COL19A1: variants seen among roughly 807,000 people sequenced by gnomAD.
COL19A1 encodes collagen alpha-1(XIX) chain.
A neutral mutation model predicts 190.2 loss-of-function variants in COL19A1; 159 were observed. The observed-to-expected ratio is 0.84, with a 90% CI of 0.73 to 0.95. The LOEUF (loss-of-function observed/expected upper bound fraction) is 0.95. Among genes scored for constraint, COL19A1 ranks in the 40% least tolerant of loss-of-function variants. The pLI, the probability that COL19A1 is intolerant of heterozygous loss-of-function variation, is 0.00. For synonymous variants in COL19A1, 509 were observed against 458.9 expected, an observed-to-expected ratio of 1.11 and a Z score of -1.39; for missense variants, 1,418 against 1,431.9, an observed-to-expected ratio of 0.99 and a Z score of 0.16.
chr6:69,933,621 T>C (rs956277374), intron 7 of COL19A1, among the ~76,000 whole-genome samples: 1 of 152,056 alleles, frequency 6.6e-6, no homozygotes, highest in African/African-American at 2.4e-5. Context: ...CAACTGTTAC[T>C]TACTTATACC....
rs917683184 is a variant in COL19A1 at position 70,130,236 on chromosome 6, T to A, written c.1383+13T>A. Reference sequence around the variant, plus strand: ...GAAAGGAGACAAGGTAATCAGATTTTTTTTTTTTAGATGGAGTCTTGCTCT... The same window carrying A: ...GAAAGGAGACAAGGTAATCAGATTTATTTTTTTTAGATGGAGTCTTGCTCT... On this transcript the variant is annotated intron_variant, in intron 18 of 50. Coordinates refer to ENST00000620364, the MANE Select transcript of COL19A1 (RefSeq NM_001858.6). 8.1e-6 allele frequency: 13 copies of A among 1,611,488 alleles called. No individual in the cohort carries two copies. The Admixed American group carries it at 1.2e-4, about 15-fold the overall frequency.
At chr6:70,006,726 A>G (rs1777651802) in intron 11 of COL19A1, among the ~76,000 whole-genome samples, 1 of 152,112 alleles carries the variant, frequency 6.6e-6, no homozygotes, top group Non-Finnish European at 1.5e-5. Flanking sequence ...TTTAAAAAAT[A>G]TAATGTTAAA....
At chr6:70,004,765 C>T (rs1777511136) in intron 11 of COL19A1, among the ~76,000 whole-genome samples, 1 of 152,010 alleles carries the variant, frequency 6.6e-6, no homozygotes, top group Admixed American at 6.6e-5. Flanking sequence ...TTAGCAGCTC[C>T]TCAAACCTTT....
chr6:69,883,010 T>A (rs1026635685), intron 2 of COL19A1, among the ~76,000 whole-genome samples: 16 of 152,342 alleles, frequency 1.1e-4, no homozygotes, highest in Middle Eastern at 3.4e-3. Context: ...AATGATTAGA[T>A]AAATAATGTA....
At chr6:70,097,468 A>C (rs1783347601) in intron 15 of COL19A1, among the ~76,000 whole-genome samples, 1 of 151,084 alleles carries the variant, frequency 6.6e-6, no homozygotes, top group African/African-American at 2.4e-5. Context: ...GGTTACTTCC[A>C]CTTCTTGATC....
intron 17 of COL19A1, among the ~76,000 whole-genome samples, chr6:70,129,336 A>G (rs1785383040): frequency 6.6e-6 from 1 of 152,196 alleles, no homozygotes; most frequent in Admixed American, 6.5e-5. Flanking sequence ...TGTTAAAGAA[A>G]TTGGCCAATT....
rs1476638543 is a variant in COL19A1, at chr6:69,929,547, G to T, written c.513G>T (p.Trp171Cys). The change falls in exon 6 of 51, where the codon TGG becomes TGT. Residue 171 changes from tryptophan to cysteine, a missense_variant. Physicochemically the swap from Trp to Cys is radical, Grantham distance 215. Transcript: ENST00000620364. ...RELRPLFDRQ[W>C]HKLGISIQSQ... ...TCCGTCCTTTGTTTGATCGTCAGTG[G>T]CACAAACTTGGCATTAGTATACAAT... The T allele has an allele frequency of 6.2e-7, 1 of 1,613,988 alleles. No individual in the cohort carries two copies. Among genetic ancestry groups the T allele is most frequent in the Admixed American group, 1.7e-5 (1 of 59,988 alleles).
Position 70,210,615 on chromosome 6 carries a change from A to G in COL19A1, c.*3341A>G, listed in dbSNP as rs892280001. 2.0e-5 allele frequency among the ~76,000 whole-genome samples: 3 copies of G among 152,164 alleles called. No homozygotes were observed. The highest frequency in any genetic ancestry group is 7.2e-5 in the African/African-American group (3 of 41,452). ...CTGTTTTATGAGTTAGGTAAGATTTAGCCTTTCTGCAGTCTGTCTCATCTG... is the reference window on the plus strand; with the variant it reads ...CTGTTTTATGAGTTAGGTAAGATTTGGCCTTTCTGCAGTCTGTCTCATCTG... On this transcript the variant is annotated 3_prime_UTR_variant, in exon 51 of 51. Coordinates refer to ENST00000620364, the MANE Select transcript of COL19A1 (RefSeq NM_001858.6).
intron 11 of COL19A1, among the ~76,000 whole-genome samples, chr6:70,007,854 A>G (rs1777731472): frequency 6.6e-6 from 1 of 152,030 alleles, no homozygotes; most frequent in African/African-American, 2.4e-5. Context: ...CATTTTAAGG[A>G]TTCAAGTTAT....
chr6:70,046,229 C>T (rs1329899090), intron 14 of COL19A1, among the ~76,000 whole-genome samples: 1 of 152,184 alleles, frequency 6.6e-6, no homozygotes. Context: ...GTCCTAGTTA[C>T]CATTATAAAT....
At chr6:69,957,834 G>T (rs1774516901) in intron 9 of COL19A1, among the ~76,000 whole-genome samples, 1 of 152,060 alleles carries the variant, frequency 6.6e-6, no homozygotes, top group South Asian at 2.1e-4. Context: ...TATAAACCTG[G>T]GTGTCAGAGG....
chr6:69,912,767 C>A (rs535868760), intron 4 of COL19A1, among the ~76,000 whole-genome samples: 1 of 152,310 alleles, frequency 6.6e-6, no homozygotes, highest in Non-Finnish European at 1.5e-5. Flanking sequence ...CTATCAACTC[C>A]TGGCTCACCA....
At chr6:70,200,849 C>T (rs1338516148) in intron 49 of COL19A1, among the ~76,000 whole-genome samples, 6 of 152,036 alleles carry the variant, frequency 3.9e-5, no homozygotes, top group East Asian at 1.9e-4. Context: ...CAAGTCTTTG[C>T]GTTTAATTAG....
At chr6:70,152,434 A>G (rs72916780) in intron 31 of COL19A1, among the ~76,000 whole-genome samples, 2,395 of 152,216 alleles carry the variant, frequency 0.016, 19 homozygotes, top group East Asian at 0.039. Flanking sequence ...TATAAACATA[A>G]GTGTAAATAT....
intron 7 of COL19A1, 21 bp from the exon 8 acceptor site, chr6:69,936,764 A>C (rs759585575): frequency 6.2e-7 from 1 of 1,611,602 alleles, no homozygotes; most frequent in East Asian, 2.2e-5. Context: ...CCATTTCCTA[A>C]AGCCTCTTTT....
At chr6:70,121,775 C>G in intron 16 of COL19A1, 105 bp from the exon 17 acceptor site, 1 of 721,880 alleles carries the variant, frequency 1.4e-6, no homozygotes, top group South Asian at 1.9e-5. Context: ...TAGACAAGTC[C>G]TTTTTCTTCA....
At chr6:69,924,400 G>A (rs1424465881) in intron 4 of COL19A1, among the ~76,000 whole-genome samples, 2 of 152,062 alleles carry the variant, frequency 1.3e-5, no homozygotes, top group Non-Finnish European at 2.9e-5. Context: ...GTGGTTTCCA[G>A]CTTCATCCAT....
chr6:69,909,628 A>G (rs906336199), intron 4 of COL19A1, among the ~76,000 whole-genome samples: 19 of 152,130 alleles, frequency 1.2e-4, no homozygotes, highest in Non-Finnish European at 2.5e-4. Context: ...ATATAATTAC[A>G]TGAGATAATT....
At chr6:69,962,601 C>T (rs1453943137) in intron 10 of COL19A1, among the ~76,000 whole-genome samples, 1 of 152,018 alleles carries the variant, frequency 6.6e-6, no homozygotes, top group Non-Finnish European at 1.5e-5. Flanking sequence ...GATTAAATTG[C>T]CTTGGAAGTG....
Sources: allele counts gnomAD v4.1 joint callset (sites outside exome capture counted in the v4.1 genomes callset), GRCh38; gene constraint gnomAD v4.1.1; transcripts MANE v1.5; gene names NCBI Gene and HGNC (gene_info 2026-07-23, HGNC 2026-07-21).